The following USP35 variants were observed in gnomAD, a reference collection of about 807,000 sequenced individuals.
USP35 encodes the protein ubiquitin specific peptidase 35, also known as ubiquitin carboxyl-terminal hydrolase 35.
A neutral mutation model predicts 83.8 loss-of-function variants in USP35; 69 were observed. The observed-to-expected ratio is 0.82, with a 90% CI of 0.68 to 1.01. The LOEUF (loss-of-function observed/expected upper bound fraction) is 1.01. USP35 is among the 50% of genes least tolerant of loss of function. The pLI is 0.00. For missense variants in USP35, 1,503 were observed against 1,362.5 expected, an observed-to-expected ratio of 1.10 and a Z score of -1.62; for synonymous variants, 714 against 589.5, an observed-to-expected ratio of 1.21 and a Z score of -3.06.
At position 78,196,834 on chromosome 11, in the gene USP35, G is replaced by T. The variant is rs368901401; in HGVS notation, c.589G>T (p.Gly197Trp). 4 of 1,530,640 alleles carry T rather than the reference G, an allele frequency of 2.6e-6. No individual in the cohort carries two copies. Among genetic ancestry groups the T allele is most frequent in the South Asian group, 2.4e-5 (2 of 83,526 alleles). 94.8% of individuals were successfully genotyped at this position (1,530,640 alleles called of 1,614,324 possible). A position where few individuals can be genotyped will look rare whatever the true frequency, so the allele number is the denominator to read the frequency against. The change falls in exon 2 of 11, where the codon GGG becomes TGG. Residue 197 changes from glycine (G) to tryptophan (W), a missense_variant. Coordinates refer to ENST00000529308, the MANE Select transcript of USP35 (RefSeq NM_020798.4). The surrounding 1 kb of genome is among the most constrained non-coding windows in gnomAD (Gnocchi z 4.8). ...EFLEQAQQVS[G>W]LLAQLWRAQP... ...CCTAGAGCAGGCCCAGCAGGTGAGC[G>T]GGCTCCTGGCGCAGCTGTGGCGCGC...
chr11:78,208,783 G>C, intron 8 of USP35, 74 bp from the exon 9 acceptor site: 1 of 1,531,592 alleles, frequency 6.5e-7, no homozygotes, highest in Non-Finnish European at 9.0e-7. Flanking sequence ...TAGACCCTCA[G>C]GCCTAACCTG....
chr11:78,229,771 T>C, the USP35 span, among the ~76,000 whole-genome samples: 2 of 152,250 alleles, frequency 1.3e-5, no homozygotes, highest in African/African-American at 2.4e-5. Context: ...AACCAAACTT[T>C]GCAGTGTTCC....
chr11:78,213,715 A>G lies in USP35; in HGVS notation c.2959A>G (p.Arg987Gly). The G allele has an allele frequency of 6.5e-7, 1 of 1,532,804 alleles. No homozygotes were observed. Among genetic ancestry groups the G allele is most frequent in the Non-Finnish European group, 8.7e-7 (1 of 1,150,190 alleles). The allele number at this position is 1,532,804 out of a possible 1,614,324, so 95.0% of individuals were successfully genotyped here. A position where few individuals can be genotyped will look rare whatever the true frequency, so the allele number is the denominator to read the frequency against. The change falls in exon 11 of 11, where the codon AGG becomes GGG. Residue 987 changes from arginine (R) to glycine (G), a missense_variant. Transcript: ENST00000529308. ...SALPTSPHWG[R>G]GFDEDKDEDE... Reference sequence around the variant, plus strand: ...ACTCCCCACATCTCCGCACTGGGGGAGGGGCTTTGATGAAGACAAGGATGA... The same window carrying G: ...ACTCCCCACATCTCCGCACTGGGGGGGGGGCTTTGATGAAGACAAGGATGA...
the USP35 span, chr11:78,221,580 G>C: frequency 6.1e-6 from 4 of 661,066 alleles, no homozygotes; most frequent in Non-Finnish European, 1.1e-5. Context: ...GGAGTCCCTG[G>C]GCTGAGGTGA....
intron 6 of USP35, among the ~76,000 whole-genome samples, chr11:78,203,201 G>T (rs568719652): frequency 6.6e-6 from 1 of 152,200 alleles, no homozygotes; most frequent in East Asian, 1.9e-4. Flanking sequence ...TCTCAACCCC[G>T]CGCCTTGAGA....
Position 78,196,370 on chromosome 11 carries a change from T to TGGCGCTG in USP35, c.131_137dup (p.Arg47GlyfsTer187). 1.3e-6 allele frequency: 2 copies of TGGCGCTG among 1,523,318 alleles called. No individual in the cohort carries two copies. Among genetic ancestry groups the TGGCGCTG allele is most frequent in the Non-Finnish European group, 1.7e-6 (2 of 1,148,910 alleles). 94.4% of individuals were successfully genotyped at this position (1,523,318 alleles called of 1,614,324 possible). On this transcript the variant is annotated frameshift_variant, in exon 2 of 11. Coordinates refer to ENST00000529308, the MANE Select transcript of USP35 (RefSeq NM_020798.4). LOFTEE classifies it high-confidence loss of function. The surrounding 1 kb of genome is among the most constrained non-coding windows in gnomAD (Gnocchi z 4.8). ...GAGCGTGAGCAGTGCCTGGCGCTGC[T>TGGCGCTG]GGCGCTGGGCGCGCGCCTCTACGTG...
Position 78,210,409 on chromosome 11 carries a change from G to A in USP35, c.2554G>A (p.Val852Met). 3 of 1,614,002 alleles carry A rather than the reference G, an allele frequency of 1.9e-6. No homozygotes were observed. The highest frequency in any genetic ancestry group is 2.5e-6 in the Non-Finnish European group (3 of 1,180,046). The change falls in exon 10 of 11, where the codon GTG becomes ATG. Residue 852 changes from valine to methionine, a missense_variant. Val to Met is a conservative substitution (Grantham distance 21). Coordinates refer to ENST00000529308, the MANE Select transcript of USP35 (RefSeq NM_020798.4). ...GGCCTATGACCTCTGCAGTGTGGTG[G>A]TGCACTCTGGAGTGTCTTCGGAGAG... is the stretch of plus-strand genomic sequence containing the variant. ...GQAYDLCSVV[V>M]HSGVSSESGH...
At chr11:78,208,165 T>C (rs377432584) in intron 8 of USP35, among the ~76,000 whole-genome samples, 2 of 152,158 alleles carry the variant, frequency 1.3e-5, no homozygotes, top group African/African-American at 4.8e-5. Flanking sequence ...GATAAGGAAA[T>C]AATACATTCC....
chr11:78,192,692 G>A (rs1863039810), intron 1 of USP35, among the ~76,000 whole-genome samples: 1 of 152,200 alleles, frequency 6.6e-6, no homozygotes, highest in Admixed American at 6.5e-5. Context: ...TGAACTGTCA[G>A]CTGCCAGGCT....
At chr11:78,200,294 C>T (rs933574184) in intron 5 of USP35, 60 bp downstream of exon 5, 11 of 1,547,266 alleles carry the variant, frequency 7.1e-6, no homozygotes, top group Non-Finnish European at 9.8e-6. Context: ...TGGTAAGGGC[C>T]CTGCCTACTG....
At chr11:78,226,903 G>C in the USP35 span, 1 of 1,614,066 alleles carries the variant, frequency 6.2e-7, no homozygotes, top group Non-Finnish European at 8.5e-7. Flanking sequence ...TCTGTATTGT[G>C]CCGGCTCGGC....
chr11:78,227,785 A>G, the USP35 span, among the ~76,000 whole-genome samples: 545 of 152,186 alleles, frequency 3.6e-3, 1 homozygote, highest in Non-Finnish European at 6.2e-3. Context: ...AGTAAACAGA[A>G]TGAGACCCTG....
At chr11:78,219,838 G>A (rs1864331875), downstream of USP35, among the ~76,000 whole-genome samples, 1 of 152,174 alleles carries the variant, frequency 6.6e-6, no homozygotes, top group South Asian at 2.1e-4. Flanking sequence ...GGGGAACCAT[G>A]CTGAGGCACA....
chr11:78,211,780 C>T (rs1023039097), intron 10 of USP35, among the ~76,000 whole-genome samples: 10 of 152,154 alleles, frequency 6.6e-5, no homozygotes, highest in African/African-American at 2.4e-4. Flanking sequence ...GTCCTTTGCC[C>T]ACTTTTTAAT....
At chr11:78,195,347 G>A (rs1863112901) in intron 1 of USP35, among the ~76,000 whole-genome samples, 1 of 152,034 alleles carries the variant, frequency 6.6e-6, no homozygotes, top group Admixed American at 6.5e-5. Context: ...TGGTCGTGGG[G>A]GCCTCAGGAG....
chr11:78,231,339 G>A, the USP35 span, among the ~76,000 whole-genome samples: 1 of 149,322 alleles, frequency 6.7e-6, no homozygotes, highest in Non-Finnish European at 1.5e-5. Context: ...CGTGTGTGGT[G>A]TGTGTGTGTG....
At position 78,214,907 on chromosome 11, in the gene USP35, G is replaced by C. The variant is rs1321392636; in HGVS notation, c.*1094G>C. Among the ~76,000 whole-genome samples, 1 of 152,136 alleles carries C rather than the reference G, an allele frequency of 6.6e-6. No individual in the cohort carries two copies. The highest frequency in any genetic ancestry group is 2.4e-5 in the African/African-American group (1 of 41,440). ...TGACTTACTTACCTTACTGAGGGCT[G>C]GGTGATGCTGCCCGTGGAGAGGATG... On this transcript the variant is annotated 3_prime_UTR_variant, in exon 11 of 11. Transcript: ENST00000529308.
chr11:78,201,146 G>A (rs192600700), intron 6 of USP35, among the ~76,000 whole-genome samples: 152 of 152,326 alleles, frequency 1.0e-3, no homozygotes, highest in African/African-American at 3.4e-3. Flanking sequence ...CTCTGTTCTA[G>A]TGTTACTTCC....
the USP35 span, among the ~76,000 whole-genome samples, chr11:78,228,621 A>C: frequency 5.9e-5 from 9 of 152,206 alleles, no homozygotes; most frequent in African/African-American, 2.2e-4. Context: ...ACAGGTGTGT[A>C]AAGCCAGGCT....
Sources: allele counts gnomAD v4.1 joint callset (sites outside exome capture counted in the v4.1 genomes callset), GRCh38; gene constraint gnomAD v4.1.1; non-coding constraint Gnocchi (gnomAD v3.1); transcripts MANE v1.5; gene names NCBI Gene and HGNC (gene_info 2026-07-23, HGNC 2026-07-21).